Variants in CFAP77 observed in about 807,000 individuals in gnomAD.
The protein encoded by CFAP77 is cilia- and flagella-associated protein 77.
In CFAP77, 25 loss-of-function variants were observed where a neutral mutation model predicts 31.1. The ratio of observed to expected loss-of-function variants is 0.80; its 90% CI spans 0.59 to 1.12. The LOEUF is 1.12. Among genes scored for constraint, CFAP77 ranks in the 50% most tolerant of loss-of-function variants. CFAP77 has a pLI of 0.00. For synonymous variants in CFAP77, 151 were observed against 159.9 expected (o/e 0.94, Z 0.42); for missense variants, 377 against 397.3 (o/e 0.95, Z 0.44).
intron 3 of CFAP77, among the ~76,000 whole-genome samples, chr9:132,531,589 C>T (rs1852452000): frequency 7.4e-6 from 1 of 135,834 alleles, no homozygotes; most frequent in Non-Finnish European, 1.5e-5. Flanking sequence ...AAGGGACCTG[C>T]GGCCCGGGCA....
chr9:132,537,568 G>T, intron 3 of CFAP77, 33 bp from the exon 4 acceptor site: 1 of 1,550,774 alleles, frequency 6.4e-7, no homozygotes, highest in Non-Finnish European at 8.8e-7. Context: ...TCTTTCCGGG[G>T]CCTCAAGCTC....
At chr9:132,415,244 C>T (rs896539142) in intron 1 of CFAP77, among the ~76,000 whole-genome samples, 18 of 152,146 alleles carry the variant, frequency 1.2e-4, no homozygotes, top group African/African-American at 4.1e-4. Context: ...TGGGTTGATC[C>T]ATCCTTACAA....
At chr9:132,533,415 C>T (rs1256958997) in intron 3 of CFAP77, among the ~76,000 whole-genome samples, 2 of 150,748 alleles carry the variant, frequency 1.3e-5, no homozygotes, top group African/African-American at 2.5e-5. Context: ...ATTCTGGAGG[C>T]CAGAAGCATG....
At chr9:132,444,067 G>A (rs577633855) in intron 1 of CFAP77, among the ~76,000 whole-genome samples, 1 of 152,366 alleles carries the variant, frequency 6.6e-6, no homozygotes, top group African/African-American at 2.4e-5. Flanking sequence ...GATGAGAGCT[G>A]AGCAGCCACC....
intron 5 of CFAP77, among the ~76,000 whole-genome samples, chr9:132,567,765 C>A (rs1249870130): frequency 6.6e-6 from 1 of 152,184 alleles, no homozygotes; most frequent in Admixed American, 6.5e-5. Flanking sequence ...ATCCTCCCTG[C>A]CTCCTCCAGC....
chr9:132,473,366 G>C (rs1329347319), intron 1 of CFAP77, among the ~76,000 whole-genome samples: 1 of 152,196 alleles, frequency 6.6e-6, no homozygotes, highest in African/African-American at 2.4e-5. Context: ...CACACCCTCA[G>C]AGGCAGTTAC....
At chr9:132,513,197 AT>A in intron 3 of CFAP77, 1 of 1,472,514 alleles carries the variant, frequency 6.8e-7, no homozygotes, top group South Asian at 1.3e-5. Flanking sequence ...CAATTAAGTT[AT>A]TATTGACTCT....
At chr9:132,417,334 C>T (rs530840151) in intron 1 of CFAP77, among the ~76,000 whole-genome samples, 2 of 152,230 alleles carry the variant, frequency 1.3e-5, no homozygotes, top group African/African-American at 4.8e-5. Flanking sequence ...AGGCTGGTTT[C>T]AAACCCCTGA....
At chr9:132,566,276 A>G (rs1829882985) in intron 5 of CFAP77, among the ~76,000 whole-genome samples, 1 of 152,194 alleles carries the variant, frequency 6.6e-6, no homozygotes, top group African/African-American at 2.4e-5. Context: ...GCTCGTGACG[A>G]AGGGCTTGGG....
At chr9:132,427,454 C>A (rs1204924729) in intron 1 of CFAP77, among the ~76,000 whole-genome samples, 2 of 152,118 alleles carry the variant, frequency 1.3e-5, no homozygotes, top group African/African-American at 4.8e-5. Context: ...GACCACACAT[C>A]AAGTGGCTTA....
At chr9:132,518,911 G>A (rs75646431) in intron 3 of CFAP77, among the ~76,000 whole-genome samples, 1,923 of 152,318 alleles carry the variant, frequency 0.013, 38 homozygotes, top group African/African-American at 0.044. Flanking sequence ...ACAGGCTTAC[G>A]ATTCGAATGA....
intron 3 of CFAP77, among the ~76,000 whole-genome samples, chr9:132,509,848 C>T (rs1017770013): frequency 2.6e-5 from 4 of 152,086 alleles, no homozygotes; most frequent in African/African-American, 4.8e-5. Context: ...CCCATCTTTT[C>T]CCCCTTCCAC....
Position 132,544,112 on chromosome 9 carries a change from T to C in CFAP77, c.732+1065T>C, listed in dbSNP as rs902109135. Among the ~76,000 whole-genome samples, 16 of 152,174 alleles carry C rather than the reference T, an allele frequency of 1.1e-4. 1 individual carries two copies. Among genetic ancestry groups the C allele is most frequent in the Admixed American group, 2.0e-4 (3 of 15,284 alleles). ...GGGACCGGTGCCTTTCTGAGCCTAA[T>C]GCACTCGAACAGGCTGTAGAGCTTC... is the stretch of plus-strand genomic sequence containing the variant. On this transcript the variant is annotated intron_variant, in intron 5 of 5. Coordinates refer to ENST00000393216, the MANE Select transcript of CFAP77 (RefSeq NM_001282957.2).
At chr9:132,474,416 C>T (rs976141631) in intron 1 of CFAP77, among the ~76,000 whole-genome samples, 1 of 152,194 alleles carries the variant, frequency 6.6e-6, no homozygotes, top group South Asian at 2.1e-4. Flanking sequence ...CAGGAAGGAG[C>T]GTGACTCAAG....
At chr9:132,471,505 A>G (rs1023256199) in intron 1 of CFAP77, among the ~76,000 whole-genome samples, 4 of 151,196 alleles carry the variant, frequency 2.6e-5, no homozygotes, top group Admixed American at 6.6e-5. Flanking sequence ...CAGGTCCTGC[A>G]CAGACTTCCA....
At chr9:132,541,588 G>A (rs1220000616) in intron 4 of CFAP77, among the ~76,000 whole-genome samples, 5 of 152,166 alleles carry the variant, frequency 3.3e-5, no homozygotes, top group Non-Finnish European at 7.3e-5. Context: ...GCTGGGCGTG[G>A]TGGTGGTTGC....
In CFAP77 at chr9:132,497,308, G is replaced by T. The variant is rs572903728; in HGVS notation, c.196-1387G>T. ...CTACCTCTCAGCACCCAGCCTGTGG[G>T]AGCTGGAGAGAGGGGGATATAGACG... On this transcript the variant is annotated intron_variant, in intron 1 of 5. Coordinates refer to ENST00000393216, the MANE Select transcript of CFAP77 (RefSeq NM_001282957.2). This position sits in a 1 kb window ranked among gnomAD's most constrained non-coding sequence, Gnocchi z 4.9. Among the ~76,000 whole-genome samples, 14 of 152,316 alleles carry T rather than the reference G, an allele frequency of 9.2e-5. No homozygotes were observed. The South Asian group carries it at 2.9e-3, about 32-fold the overall frequency.
chr9:132,572,403 G>T lies in CFAP77; in HGVS notation c.748G>T (p.Asp250Tyr), dbSNP rs1203906753. 1.2e-6 allele frequency: 2 copies of T among 1,613,602 alleles called. No homozygotes were observed. Among genetic ancestry groups the T allele is most frequent in the Non-Finnish European group, 1.7e-6 (2 of 1,179,988 alleles). ...CTATCCACAGGTGGGCCGCCACCTT[G>T]ATACGTTCCCCACGGAGGCCGATCG... The part of the protein sequence containing the change: ...PHFQKVGRHL[D>Y]TFPTEADRQR... The change falls in exon 6 of 6, where the codon GAT becomes TAT. Residue 250 changes from aspartate (D) to tyrosine (Y), a missense_variant. Transcript: ENST00000393216.
chr9:132,452,742 T>C lies in CFAP77; in HGVS notation c.195+42276T>C, dbSNP rs1850847800. Reference sequence around the variant, plus strand: ...GAGGTGCCCGAGAGTGTGACGGATCTGTTGCTGAGATGGGGTGCCTCATGC... The same window carrying C: ...GAGGTGCCCGAGAGTGTGACGGATCCGTTGCTGAGATGGGGTGCCTCATGC... On this transcript the variant is annotated intron_variant, in intron 1 of 5. Transcript: ENST00000393216. Among the ~76,000 whole-genome samples the C allele has an allele frequency of 2.0e-5, 3 of 152,144 alleles. No individual in the cohort carries two copies. In the South Asian group the frequency reaches 6.2e-4, roughly 31 times the overall value.
Sources: allele counts gnomAD v4.1 joint callset (sites outside exome capture counted in the v4.1 genomes callset), GRCh38; gene constraint gnomAD v4.1.1; non-coding constraint Gnocchi (gnomAD v3.1); transcripts MANE v1.5; gene names NCBI Gene and HGNC (gene_info 2026-07-23, HGNC 2026-07-21).